TSC2: variants seen among roughly 807,000 people sequenced by gnomAD.
TSC2 encodes TSC complex subunit 2.
In TSC2, 29 loss-of-function variants were observed where a neutral mutation model predicts 202.2. The ratio of observed to expected loss-of-function variants is 0.14; its 90% CI spans 0.11 to 0.20. The LOEUF (loss-of-function observed/expected upper bound fraction) is 0.20. TSC2 is among the 10% of genes least tolerant of loss of function. The pLI is 1.00. For synonymous variants in TSC2, 1,349 were observed against 1,044.0 expected, an observed-to-expected ratio of 1.29 and a Z score of -5.63; for missense variants, 2,429 against 2,420.0, an observed-to-expected ratio of 1.00 and a Z score of -0.08.
chr16:2,052,316 A>C (rs1264791511), intron 3 of TSC2, among the ~76,000 whole-genome samples: 1 of 150,644 alleles, frequency 6.6e-6, no homozygotes, highest in African/African-American at 2.5e-5. Context: ...CCATTTTGTT[A>C]TTATTTGGTT....
rs1567504284 is a variant in TSC2 at position 2,080,282 on chromosome 16, G to GCAC, written c.3517_3519dup (p.Thr1173dup). ...GCGAAACCTGAGAAGGCCTCAGCTGGCACCCGGGTTCCTGTGCAGGAGAAG... is the reference window on the plus strand; with the variant it reads ...GCGAAACCTGAGAAGGCCTCAGCTGGCACCACCCGGGTTCCTGTGCAGGAGAAG... On this transcript the variant is annotated inframe_insertion, in exon 30 of 42. Coordinates refer to ENST00000219476, the MANE Select transcript of TSC2 (RefSeq NM_000548.5). 1 of 1,612,956 alleles carries GCAC rather than the reference G, an allele frequency of 6.2e-7. No homozygotes were observed. Among genetic ancestry groups the GCAC allele is most frequent in the African/African-American group, 1.3e-5 (1 of 75,066 alleles).
chr16:2,086,467 G>T, intron 37 of TSC2, 88 bp downstream of exon 37: 1 of 1,532,390 alleles, frequency 6.5e-7, no homozygotes, highest in Non-Finnish European at 8.8e-7. Context: ...CCTGGGGCAT[G>T]GCCCTGGCAC....
rs1555501144 is a variant in TSC2 at position 2,061,999 on chromosome 16, C to G, written c.1248C>G (p.Asp416Glu). The change falls in exon 12 of 42, where the codon GAC becomes GAG. Residue 416 changes from aspartate to glutamate, a missense_variant. Transcript: ENST00000219476. ...RYFELVERCADQRPESSLLNL... is the reference protein window; with the variant it reads ...RYFELVERCAEQRPESSLLNL... ...TTGAACTGGTGGAGAGATGTGCGGACCAGAGGCCTGTGAGACCCCCTCCTG... is the reference window on the plus strand; with the variant it reads ...TTGAACTGGTGGAGAGATGTGCGGAGCAGAGGCCTGTGAGACCCCCTCCTG... The G allele has an allele frequency of 6.2e-7, 1 of 1,614,100 alleles. No individual in the cohort carries two copies. Among genetic ancestry groups the G allele is most frequent in the Non-Finnish European group, 8.5e-7 (1 of 1,180,014 alleles).
At position 2,054,302 on chromosome 16, in the gene TSC2, C is replaced by T. The variant is rs1256047792; in HGVS notation, c.343C>T (p.Arg115Cys). 2.5e-6 allele frequency: 4 copies of T among 1,614,094 alleles called. No individual in the cohort carries two copies. The highest frequency in any genetic ancestry group is 1.7e-5 in the Admixed American group (1 of 60,016). ...LKAIVQGQGE[R>C]LGVLRALFFK... ...CTGTGGCTTTTGTCTTTAGGGCGAGCGTTTGGGGGTCCTCAGAGCCCTCTT... is the reference window on the plus strand; with the variant it reads ...CTGTGGCTTTTGTCTTTAGGGCGAGTGTTTGGGGGTCCTCAGAGCCCTCTT... The change falls in exon 5 of 42, where the codon CGT (arginine) becomes TGT (cysteine). Residue 115 changes from arginine (R) to cysteine (C), a missense_variant. Transcript: ENST00000219476.
intron 38 of TSC2, 29 bp from the exon 39 acceptor site, chr16:2,087,834 G>GAAGAAA: frequency 6.2e-7 from 1 of 1,610,606 alleles, no homozygotes; most frequent in Non-Finnish European, 8.5e-7. Flanking sequence ...CGCTGTGTGC[G>GAAGAAA]GGGATGACCC....
In TSC2 at chr16:2,054,397, C is replaced by T. The variant is rs2151043440; in HGVS notation, c.438C>T (p.Leu146=). 6.2e-7 allele frequency: 1 copy of T among 1,614,226 alleles called. No homozygotes were observed. ...AAAGGCTGGAGGTTTTCAAGGCCCTCACAGACAATGGGAGACACATCACCT... is the reference window on the plus strand; with the variant it reads ...AAAGGCTGGAGGTTTTCAAGGCCCTTACAGACAATGGGAGACACATCACCT... ...LHERLEVFKA[L]TDNGRHITYL... Residue 146 remains leucine (L), a synonymous_variant, in exon 5 of 42, where the codon CTC becomes CTT. Transcript: ENST00000219476.
At chr16:2,048,422 T>G in intron 1 of TSC2, 165 bp from the exon 2 acceptor site, 2 of 958,550 alleles carry the variant, frequency 2.1e-6, no homozygotes, top group Non-Finnish European at 3.3e-6. Context: ...CCTAGGTGCC[T>G]GTTTGCGAGC....
At position 2,059,509 on chromosome 16, in the gene TSC2, G is replaced by GTTT. The variant is rs34881847; in HGVS notation, c.975+658_975+660dup. On this transcript the variant is annotated intron_variant, in intron 10 of 41. Transcript: ENST00000219476. ...TGCCTGCCACAGTGCCTGGCTAATG[G>GTTT]TTTTTTTTTTTTTTTTTTTTTTTTA... Among the ~76,000 whole-genome samples the GTTT allele has an allele frequency of 1.7e-4, 11 of 63,536 alleles. 1 individual carries two copies. The highest frequency in any genetic ancestry group is 1.1e-3 in the East Asian group (2 of 1,876). 41.7% of individuals were successfully genotyped at this position (63,536 alleles called of 152,430 possible).
chr16:2,068,763 C>T (rs1438881921), intron 16 of TSC2: 1 of 150,794 alleles, frequency 6.6e-6, no homozygotes, highest in Non-Finnish European at 1.5e-5. Context: ...ATCCCAGCTA[C>T]TCGGGAGGCT....
intron 12 of TSC2, among the ~76,000 whole-genome samples, chr16:2,062,255 C>A (rs950417937): frequency 2.6e-5 from 4 of 152,254 alleles, no homozygotes; most frequent in African/African-American, 9.6e-5. Context: ...CTGTAGAGTC[C>A]TGTGGCTCCC....
Position 2,075,824 on chromosome 16 carries a change from C to T in TSC2, c.2571C>T (p.Tyr857=), listed in dbSNP as rs774063865. 2.0e-5 allele frequency: 32 copies of T among 1,612,894 alleles called. No homozygotes were observed. In the East Asian group the frequency reaches 5.8e-4, roughly 29 times the overall value. Residue 857 remains tyrosine (Y), a synonymous_variant, in exon 23 of 42, where the codon TAC becomes TAT. Coordinates refer to ENST00000219476, the MANE Select transcript of TSC2 (RefSeq NM_000548.5). ...LSTLARLPHL[Y]RNFAAEQYAS... ...CTCTGGCCAGGCTGCCGCACCTCTA[C>T]AGGAACTTTGCCGCGGAGCAGTATG...
chr16:2,088,934 G>A lies in TSC2; in HGVS notation c.*324G>A, dbSNP rs1342799987. ...CTCCACCCTGGGAGCCAGCCCCCAG[G>A]AGGAGTCTTTTCCTCTAACCACCCT... On this transcript the variant is annotated 3_prime_UTR_variant, in exon 42 of 42. Transcript: ENST00000219476. 2 of 379,438 alleles carry A rather than the reference G, an allele frequency of 5.3e-6. No individual in the cohort carries two copies. Among genetic ancestry groups the A allele is most frequent in the Admixed American group, 4.3e-5 (1 of 23,154 alleles). 23.5% of individuals were successfully genotyped at this position (379,438 alleles called of 1,614,324 possible). A position where few individuals can be genotyped will look rare whatever the true frequency, so the allele number is the denominator to read the frequency against.
chr16:2,070,585 T>C lies in TSC2; in HGVS notation c.1839+7T>C, dbSNP rs2088153162. 1.9e-6 allele frequency: 3 copies of C among 1,612,826 alleles called. No homozygotes were observed. The highest frequency in any genetic ancestry group is 2.2e-5 in the East Asian group (1 of 44,884). ...GAGCAGCATCCGGCTGCAGGTATGG[T>C]GGCTGGGGTTGCGCAGCCAGTTCCT... is the stretch of plus-strand genomic sequence containing the variant. On this transcript the variant is annotated splice_region_variant and intron_variant, in intron 17 of 41. Transcript: ENST00000219476.
intron 37 of TSC2, 87 bp downstream of exon 37, chr16:2,086,466 T>C: frequency 2.0e-6 from 3 of 1,533,976 alleles, no homozygotes; most frequent in Non-Finnish European, 2.6e-6. Context: ...CCCTGGGGCA[T>C]GGCCCTGGCA....
In TSC2 at chr16:2,084,932, C is replaced by G. The variant is rs779772312; in HGVS notation, c.4494-19C>G. The G allele has an allele frequency of 1.2e-6, 2 of 1,613,172 alleles. No individual in the cohort carries two copies. ...GGCCAGGCCCTCACCTGGGTGCCCA[C>G]CATCCCCTCCCTGTGCAGTTTCGTG... is the stretch of plus-strand genomic sequence containing the variant. On this transcript the variant is annotated intron_variant, in intron 34 of 41. Transcript: ENST00000219476.
intron 5 of TSC2, chr16:2,054,806 G>A (rs2085562277): frequency 2.6e-6 from 1 of 381,960 alleles, no homozygotes; most frequent in Admixed American, 4.0e-5. Flanking sequence ...CCACTTTGTG[G>A]ACCTTCCTCC....
chr16:2,084,410 C>T lies in TSC2; in HGVS notation c.4188C>T (p.Asp1396=), dbSNP rs765675223. ...CTCCCGAGCTGCAGACTCTGCAGGA[C>T]ATCCTCGGGGACCCTGGGGACAAGG... ...SSSPELQTLQ[D]ILGDPGDKAD... The change falls in exon 34 of 42, where the codon GAC becomes GAT. Residue 1396 remains aspartate (D), a synonymous_variant. Coordinates refer to ENST00000219476, the MANE Select transcript of TSC2 (RefSeq NM_000548.5). 3.1e-6 allele frequency: 5 copies of T among 1,611,850 alleles called. No individual in the cohort carries two copies. Among genetic ancestry groups the T allele is most frequent in the Non-Finnish European group, 3.4e-6 (4 of 1,179,666 alleles).
intron 15 of TSC2, chr16:2,065,138 G>A (rs553435171): frequency 9.4e-6 from 2 of 212,006 alleles, no homozygotes; most frequent in South Asian, 7.3e-5. Context: ...AAAGGGCCGG[G>A]CACGGTGGCT....
At chr16:2,048,454 A>T in intron 1 of TSC2, 133 bp from the exon 2 acceptor site, 1 of 1,165,360 alleles carries the variant, frequency 8.6e-7, no homozygotes, top group Non-Finnish European at 1.3e-6. Context: ...GCTGTAGTTG[A>T]GTTCTCCCAG....
Sources: gnomAD v4.1 joint callset for allele counts (sites outside exome capture counted in the v4.1 genomes callset) on GRCh38, gnomAD v4.1.1 for gene constraint, MANE v1.5 for transcripts, NCBI Gene and HGNC (gene_info 2026-07-23, HGNC 2026-07-21) for gene names.